Variants in WWOX observed in about 807,000 individuals in gnomAD.
WWOX encodes the protein WW domain containing oxidoreductase.
WWOX carries 69 observed loss-of-function variants against 46.2 expected under a neutral mutation model. The ratio of observed to expected loss-of-function variants is 1.49; its 90% CI spans 1.23 to 1.82. The LOEUF is 1.82. Ranked by LOEUF, WWOX falls within the 40% of genes most tolerant of loss-of-function variation. The pLI is 0.00. For synonymous variants in WWOX, 359 were observed against 202.6 expected (o/e 1.77, Z -6.56); for missense variants, 919 against 542.6 (o/e 1.69, Z -6.89).
chr16:78,578,263 TATATATATATATATATA>T (rs1452647224), intron 8 of WWOX, among the ~76,000 whole-genome samples: 2 of 23,320 alleles, frequency 8.6e-5, no homozygotes, highest in African/African-American at 2.7e-4. Context: ...TTTATATATA[TATATATATATATATATA>T]TATATTTTTT....
intron 8 of WWOX, among the ~76,000 whole-genome samples, chr16:78,811,077 G>C (rs2051176017): frequency 6.6e-6 from 1 of 152,282 alleles, no homozygotes; most frequent in Middle Eastern, 3.4e-3. Context: ...GTGCCAGTAA[G>C]ACAACTCCTC....
chr16:78,186,823 G>T (rs563016627), intron 5 of WWOX, among the ~76,000 whole-genome samples: 1 of 152,296 alleles, frequency 6.6e-6, no homozygotes, highest in South Asian at 2.1e-4. Context: ...CATAGAAGTT[G>T]CGAAGAATAG....
At chr16:78,184,472 A>G (rs558371589) in intron 5 of WWOX, among the ~76,000 whole-genome samples, 1 of 152,174 alleles carries the variant, frequency 6.6e-6, no homozygotes, top group East Asian at 1.9e-4. Context: ...TGATTTGTGG[A>G]GGATTTATAT....
At chr16:78,219,062 A>G (rs573747131) in intron 5 of WWOX, among the ~76,000 whole-genome samples, 1 of 152,344 alleles carries the variant, frequency 6.6e-6, no homozygotes, top group East Asian at 1.9e-4. Context: ...TCTTGGTGAG[A>G]TAAAGGAAGT....
intron 5 of WWOX, among the ~76,000 whole-genome samples, chr16:78,276,554 C>G (rs1483181802): frequency 1.3e-5 from 2 of 152,214 alleles, no homozygotes; most frequent in African/African-American, 4.8e-5. Context: ...ACCTCAAATC[C>G]TTCTGGAAGT....
intron 8 of WWOX, among the ~76,000 whole-genome samples, chr16:78,705,926 A>T (rs2048318896): frequency 6.6e-6 from 1 of 152,214 alleles, no homozygotes; most frequent in Non-Finnish European, 1.5e-5. Context: ...GTTTATTTAC[A>T]CACTAAGGAA....
At chr16:79,104,293 TCA>T (rs1271600917) in intron 8 of WWOX, among the ~76,000 whole-genome samples, 1 of 152,216 alleles carries the variant, frequency 6.6e-6, no homozygotes, top group African/African-American at 2.4e-5. Context: ...TGGTAAAACC[TCA>T]GTTATCATCT....
chr16:78,377,324 AG>A (rs1318264005), intron 5 of WWOX, among the ~76,000 whole-genome samples: 4 of 152,238 alleles, frequency 2.6e-5, no homozygotes, highest in African/African-American at 9.6e-5. Flanking sequence ...TGTCTGCTGA[AG>A]GATTCTTTAT....
At chr16:78,369,958 C>T (rs957554247) in intron 5 of WWOX, among the ~76,000 whole-genome samples, 8 of 151,792 alleles carry the variant, frequency 5.3e-5, no homozygotes, top group Non-Finnish European at 1.2e-4. Context: ...CATGGTGAAA[C>T]CCCATCTCTA....
At chr16:78,770,414 A>G (rs902766849) in intron 8 of WWOX, among the ~76,000 whole-genome samples, 3 of 152,168 alleles carry the variant, frequency 2.0e-5, no homozygotes, top group Admixed American at 6.5e-5. Flanking sequence ...GCCAGTACCA[A>G]TGGGGGATGG....
At chr16:78,559,503 T>A (rs2044383664) in intron 8 of WWOX, among the ~76,000 whole-genome samples, 1 of 152,194 alleles carries the variant, frequency 6.6e-6, no homozygotes, top group Non-Finnish European at 1.5e-5. Context: ...ACTTTTTCCC[T>A]TTCCTCCCAA....
At chr16:79,038,997 A>G (rs967333329) in intron 8 of WWOX, among the ~76,000 whole-genome samples, 2 of 152,192 alleles carry the variant, frequency 1.3e-5, no homozygotes, top group Non-Finnish European at 2.9e-5. Flanking sequence ...TGTCTGCCAC[A>G]AATGGGAGTT....
intron 8 of WWOX, among the ~76,000 whole-genome samples, chr16:79,030,355 C>T (rs1254042442): frequency 2.0e-5 from 3 of 152,332 alleles, no homozygotes; most frequent in South Asian, 2.1e-4. Flanking sequence ...AATTTAGTTG[C>T]TGCATTTTTC....
At chr16:79,096,613 C>G (rs1028963714) in intron 8 of WWOX, among the ~76,000 whole-genome samples, 7 of 152,190 alleles carry the variant, frequency 4.6e-5, no homozygotes, top group African/African-American at 1.7e-4. Flanking sequence ...GCACCTCTGA[C>G]CCCCTTCACC....
At chr16:78,855,616 G>C (rs1410719501) in intron 8 of WWOX, among the ~76,000 whole-genome samples, 1 of 152,166 alleles carries the variant, frequency 6.6e-6, no homozygotes, top group Non-Finnish European at 1.5e-5. Flanking sequence ...TCAGATTCTA[G>C]AGCTAACCGA....
chr16:78,836,850 C>G (rs1012066840), intron 8 of WWOX, among the ~76,000 whole-genome samples: 1 of 152,104 alleles, frequency 6.6e-6, no homozygotes, highest in South Asian at 2.1e-4. Flanking sequence ...GAAACAGAAT[C>G]TCTTAGCATA....
At chr16:79,011,567 C>T (rs896048091) in intron 8 of WWOX, among the ~76,000 whole-genome samples, 5 of 151,386 alleles carry the variant, frequency 3.3e-5, no homozygotes, top group Non-Finnish European at 5.9e-5. Flanking sequence ...TGATGGCTCA[C>T]CACAGCCTCA....
intron 5 of WWOX, among the ~76,000 whole-genome samples, chr16:78,176,198 A>G (rs1459109202): frequency 6.6e-6 from 1 of 152,228 alleles, no homozygotes. Context: ...GAACCCAGCT[A>G]AAACTCACGT....
chr16:79,144,818 A>G (rs2050154834), intron 8 of WWOX, among the ~76,000 whole-genome samples: 1 of 152,184 alleles, frequency 6.6e-6, no homozygotes, highest in African/African-American at 2.4e-5. Flanking sequence ...AGAGAGAGAG[A>G]CCACATTTAT....
Sources: gnomAD v4.1 joint callset for allele counts (sites outside exome capture counted in the v4.1 genomes callset) on GRCh38, gnomAD v4.1.1 for gene constraint, MANE v1.5 for transcripts, NCBI Gene and HGNC (gene_info 2026-07-23, HGNC 2026-07-21) for gene names.